KLHL12: variants seen among roughly 807,000 people sequenced by gnomAD.
KLHL12 encodes the protein kelch like family member 12.
In KLHL12, 17 loss-of-function variants were observed where a neutral mutation model predicts 60.8. That is an observed-to-expected ratio of 0.28 (90% CI 0.19 to 0.42). The LOEUF is 0.42. Ranked by LOEUF, KLHL12 falls within the 10% of genes least tolerant of loss-of-function variation. The pLI is 1.00. For synonymous variants in KLHL12, 220 were observed against 250.9 expected (o/e 0.88, Z 1.16); for missense variants, 468 against 722.3 (o/e 0.65, Z 4.04).
upstream of KLHL12, chr1:202,927,361 T>C (rs568240120): frequency 4.1e-3 from 3,148 of 758,896 alleles, 14 homozygotes; most frequent in Non-Finnish European, 4.7e-3. Context: ...GCGGGGCTTC[T>C]GTACGCTGCT....
In KLHL12 at chr1:202,893,499, C is replaced by A; in HGVS notation, c.1394-74G>T. ...CTGAATTATAGAAATAAACTACGGT[C>A]ACTAATGACTAGCTGAGTTCTACAG... On this transcript the variant is annotated intron_variant, in intron 10 of 11. Coordinates refer to ENST00000367261, the MANE Select transcript of KLHL12 (RefSeq NM_021633.4). The surrounding 1 kb of genome is among the most constrained non-coding windows in gnomAD (Gnocchi z 4.1). The A allele has an allele frequency of 1.5e-6, 2 of 1,291,468 alleles. No homozygotes were observed. Among genetic ancestry groups the A allele is most frequent in the South Asian group, 2.7e-5 (2 of 73,562 alleles). 80.0% of individuals were successfully genotyped at this position (1,291,468 alleles called of 1,614,324 possible).
At chr1:202,908,275 C>T (rs1660256281) in intron 6 of KLHL12, among the ~76,000 whole-genome samples, 1 of 152,168 alleles carries the variant, frequency 6.6e-6, no homozygotes, top group South Asian at 2.1e-4. Context: ...CATACAGGCT[C>T]AGATAAATTG....
chr1:202,910,454 A>T (rs559137185), intron 5 of KLHL12, among the ~76,000 whole-genome samples: 6 of 152,244 alleles, frequency 3.9e-5, no homozygotes, highest in African/African-American at 1.4e-4. Flanking sequence ...GTTAACTAAG[A>T]GATCTAGGGC....
rs916491331 is a variant in KLHL12 at position 202,894,461 on chromosome 1, A to G, written c.1294+130T>C. 6 of 975,370 alleles carry G rather than the reference A, an allele frequency of 6.2e-6. No homozygotes were observed. The African/African-American group carries it at 9.8e-5, about 16-fold the overall frequency. The allele number at this position is 975,370 out of a possible 1,614,324, so 60.4% of individuals were successfully genotyped here. A position where few individuals can be genotyped will look rare whatever the true frequency, so the allele number is the denominator to read the frequency against. On this transcript the variant is annotated intron_variant, in intron 9 of 11. Transcript: ENST00000367261. ...AAAAAGATAATCCCAATTAATGGAA[A>G]ATATATTAAGACACACCAGGGTTTT... is the stretch of plus-strand genomic sequence containing the variant.
chr1:202,892,083 G>GA lies in KLHL12; in HGVS notation c.*449dup, dbSNP rs34231569. Reference sequence around the variant, plus strand: ...ATATGAGAAAATGTAGTTGTTCCTGGAAAAAAAAAAAAAGACTTGGATTTT... The same window carrying GA: ...ATATGAGAAAATGTAGTTGTTCCTGGAAAAAAAAAAAAAAGACTTGGATTTT... On this transcript the variant is annotated 3_prime_UTR_variant, in exon 12 of 12. Coordinates refer to ENST00000367261, the MANE Select transcript of KLHL12 (RefSeq NM_021633.4). The GA allele has an allele frequency of 0.2, 27,953 of 142,612 alleles. 3,149 individuals are homozygous for GA. Among genetic ancestry groups the GA allele is most frequent in the African/African-American group, 0.31 (11,785 of 38,348 alleles). The allele number at this position is 142,612 out of a possible 1,614,324, so 8.8% of individuals were successfully genotyped here.
intron 6 of KLHL12, among the ~76,000 whole-genome samples, chr1:202,906,054 C>T (rs1342858295): frequency 1.4e-5 from 2 of 141,426 alleles, no homozygotes; most frequent in Admixed American, 1.5e-4. Flanking sequence ...CTCCTGACCT[C>T]GTGATCCACC....
chr1:202,899,463 T>C (rs994903874), intron 6 of KLHL12, among the ~76,000 whole-genome samples: 6 of 152,206 alleles, frequency 3.9e-5, no homozygotes, highest in African/African-American at 1.2e-4. Context: ...ACTTGTCTTA[T>C]GTACTTGCCA....
upstream of KLHL12, chr1:202,927,338 TCTGTA>T: frequency 1.1e-6 from 1 of 912,074 alleles, no homozygotes; most frequent in Non-Finnish European, 1.3e-6. Flanking sequence ...ACGTGACCTG[TCTGTA>T]CCCTAGCGCG....
upstream of KLHL12, among the ~76,000 whole-genome samples, chr1:202,928,156 T>TC (rs1387449400): frequency 6.7e-6 from 1 of 148,934 alleles, no homozygotes; most frequent in African/African-American, 2.5e-5. Flanking sequence ...GCGCCAGTAG[T>TC]CCCAGCTACT....
At chr1:202,897,337 G>A (rs1659873808) in intron 6 of KLHL12, among the ~76,000 whole-genome samples, 1 of 146,488 alleles carries the variant, frequency 6.8e-6, no homozygotes, top group African/African-American at 2.5e-5. Context: ...CTGGGCTCAA[G>A]TGATTCTCCT....
At position 202,927,077 on chromosome 1, in the gene KLHL12, C is replaced by G. The variant is rs981397944; in HGVS notation, c.-46+12G>C. 6.9e-5 allele frequency: 68 copies of G among 985,530 alleles called. No individual in the cohort carries two copies. The highest frequency in any genetic ancestry group is 8.2e-5 in the Non-Finnish European group (68 of 830,048). The allele number at this position is 985,530 out of a possible 1,614,324, so 61.0% of individuals were successfully genotyped here. A position where few individuals can be genotyped will look rare whatever the true frequency, so the allele number is the denominator to read the frequency against. ...GGGAAGGGCTGACTGCCATCACTTCCGCGCAACTCACCTCCGCTCCCGAAC... is the reference window on the plus strand; with the variant it reads ...GGGAAGGGCTGACTGCCATCACTTCGGCGCAACTCACCTCCGCTCCCGAAC... On this transcript the variant is annotated intron_variant, in intron 1 of 11. Transcript: ENST00000367261.
In KLHL12 at chr1:202,895,996, C is replaced by T. The variant is rs1180376440; in HGVS notation, c.940-279G>A. Among the ~76,000 whole-genome samples, 1 of 152,184 alleles carries T rather than the reference C, an allele frequency of 6.6e-6. No individual in the cohort carries two copies. Among genetic ancestry groups the T allele is most frequent in the Non-Finnish European group, 1.5e-5 (1 of 68,040 alleles). The stretch of plus-strand genomic sequence containing the variant: ...GCTTTCTGTTATCCAATATCTGACT[C>T]CTTTCTCTTCCATAAGGCACTGGGC... On this transcript the variant is annotated intron_variant, in intron 7 of 11. Coordinates refer to ENST00000367261, the MANE Select transcript of KLHL12 (RefSeq NM_021633.4). The surrounding 1 kb of genome is among the most constrained non-coding windows in gnomAD (Gnocchi z 4.2).
chr1:202,923,957 A>C (rs541454944), intron 2 of KLHL12, among the ~76,000 whole-genome samples: 22 of 152,328 alleles, frequency 1.4e-4, no homozygotes, highest in African/African-American at 4.6e-4. Context: ...ATGTAAGTGT[A>C]AATTATATAA....
In KLHL12 at chr1:202,895,204, C is replaced by A. The variant is rs142097775; in HGVS notation, c.1135+318G>T. The stretch of plus-strand genomic sequence containing the variant: ...CTCAGGAGTTAGAGATCAGCCTGGG[C>A]AACATGGCGAAACCCCATCTCTACT... On this transcript the variant is annotated intron_variant, in intron 8 of 11. Transcript: ENST00000367261. The surrounding 1 kb of genome is among the most constrained non-coding windows in gnomAD (Gnocchi z 4.2). Among the ~76,000 whole-genome samples the A allele has an allele frequency of 3.5e-4, 53 of 152,210 alleles. No individual in the cohort carries two copies. In the East Asian group the frequency reaches 8.9e-3, roughly 26 times the overall value.
At chr1:202,901,856 G>T (rs1011978411) in intron 6 of KLHL12, among the ~76,000 whole-genome samples, 1 of 152,084 alleles carries the variant, frequency 6.6e-6, no homozygotes, top group African/African-American at 2.4e-5. Context: ...AGCCTGTTCA[G>T]CTTTTTCTAG....
At chr1:202,894,489 T>C (rs1308481869) in intron 9 of KLHL12, 102 bp downstream of exon 9, 6 of 1,197,876 alleles carry the variant, frequency 5.0e-6, no homozygotes, top group South Asian at 3.9e-5. Context: ...AGGGTTTTAG[T>C]TGAAGGGAAG....
At chr1:202,903,982 A>C (rs1198241009) in intron 6 of KLHL12, among the ~76,000 whole-genome samples, 1 of 151,074 alleles carries the variant, frequency 6.6e-6, no homozygotes, top group African/African-American at 2.4e-5. Flanking sequence ...CCCTTTATCT[A>C]TCTATCTATG....
chr1:202,923,982 C>A lies in KLHL12; in HGVS notation c.195+986G>T, dbSNP rs555022922. ...AAATTATATAATAAACAGTGATGCA[C>A]CCACAACTGAGCTTTGAAAAAATAA... On this transcript the variant is annotated intron_variant, in intron 2 of 11. Coordinates refer to ENST00000367261, the MANE Select transcript of KLHL12 (RefSeq NM_021633.4). Among the ~76,000 whole-genome samples the A allele has an allele frequency of 2.0e-5, 3 of 152,152 alleles. No homozygotes were observed. The East Asian group carries it at 5.8e-4, about 29-fold the overall frequency.
At chr1:202,910,476 G>A (rs966996268) in intron 5 of KLHL12, among the ~76,000 whole-genome samples, 1 of 152,222 alleles carries the variant, frequency 6.6e-6, no homozygotes, top group Non-Finnish European at 1.5e-5. Context: ...GGGCCAGCAA[G>A]AGGAACTCTT....
Sources: gnomAD v4.1 joint callset for allele counts (sites outside exome capture counted in the v4.1 genomes callset) on GRCh38, gnomAD v4.1.1 for gene constraint, Gnocchi (gnomAD v3.1) non-coding constraint, MANE v1.5 for transcripts, NCBI Gene and HGNC (gene_info 2026-07-23, HGNC 2026-07-21) for gene names.